The following IL1RL2 variants were observed in gnomAD, a reference collection of about 807,000 sequenced individuals.
IL1RL2 encodes interleukin-1 receptor-like 2.
In IL1RL2, 68 loss-of-function variants were observed where a neutral mutation model predicts 66.8. That is an observed-to-expected ratio of 1.02 (90% confidence interval 0.84 to 1.25). IL1RL2 has a LOEUF of 1.25. Ranked by LOEUF, IL1RL2 falls within the 50% of genes most tolerant of loss-of-function variation. The probability of loss-of-function intolerance (pLI) is 0.00; values close to 1 mark genes in which losing one functional copy is unlikely to be tolerated. For missense variants in IL1RL2, 729 were observed against 709.3 expected (o/e 1.03, Z -0.32); for synonymous variants, 305 against 264.6 (o/e 1.15, Z -1.48).
At chr2:102,217,590 A>C (rs1689721951) in intron 6 of IL1RL2, among the ~76,000 whole-genome samples, 1 of 152,180 alleles carries the variant, frequency 6.6e-6, no homozygotes, top group African/African-American at 2.4e-5. Context: ...AGGCACATAG[A>C]TCAATGGAGC....
intron 5 of IL1RL2, 127 bp downstream of exon 5, chr2:102,201,842 G>A (rs1688288194): frequency 1.2e-6 from 1 of 810,814 alleles, no homozygotes; most frequent in Non-Finnish European, 1.9e-6. Flanking sequence ...AGGCTAGTAG[G>A]CTCTCAGACC....
intron 9 of IL1RL2, among the ~76,000 whole-genome samples, chr2:102,232,473 G>A (rs1404992137): frequency 1.3e-5 from 2 of 152,208 alleles, no homozygotes; most frequent in Non-Finnish European, 2.9e-5. Flanking sequence ...TCAGGCCTGA[G>A]CTATCATGCC....
chr2:102,187,271 T>C lies in IL1RL2; in HGVS notation c.-13+185T>C, dbSNP rs1578071473. On this transcript the variant is annotated intron_variant, in intron 1 of 11. Transcript: ENST00000264257. ...CCGACTCCGTCTCTGGGTCGAGGAGTGGAGCTCGCGGCTATTTTCAGCTCC... is the reference window on the plus strand; with the variant it reads ...CCGACTCCGTCTCTGGGTCGAGGAGCGGAGCTCGCGGCTATTTTCAGCTCC... 8 of 1,178,140 alleles carry C rather than the reference T, an allele frequency of 6.8e-6. No homozygotes were observed. In the East Asian group the frequency reaches 4.8e-4, roughly 70 times the overall value. 73.0% of individuals were successfully genotyped at this position (1,178,140 alleles called of 1,614,324 possible). A position where few individuals can be genotyped will look rare whatever the true frequency, so the allele number is the denominator to read the frequency against.
At chr2:102,227,071 T>A (rs1195069120) in intron 9 of IL1RL2, among the ~76,000 whole-genome samples, 1 of 152,060 alleles carries the variant, frequency 6.6e-6, no homozygotes, top group Non-Finnish European at 1.5e-5. Flanking sequence ...TGCTTGTGAC[T>A]ATGCTACTTT....
At chr2:102,222,842 C>A (rs552616880) in intron 8 of IL1RL2, among the ~76,000 whole-genome samples, 2 of 152,180 alleles carry the variant, frequency 1.3e-5, no homozygotes, top group Non-Finnish European at 2.9e-5. Flanking sequence ...TTGTAAGAAG[C>A]CTTGGAGAGT....
chr2:102,208,955 C>T (rs1022400921), intron 5 of IL1RL2, among the ~76,000 whole-genome samples: 2 of 152,222 alleles, frequency 1.3e-5, no homozygotes, highest in Non-Finnish European at 2.9e-5. Context: ...ATCTTGTTCA[C>T]AGTTGAATCC....
intron 9 of IL1RL2, among the ~76,000 whole-genome samples, chr2:102,227,399 AT>A (rs1437985680): frequency 6.6e-6 from 1 of 152,230 alleles, no homozygotes; most frequent in Non-Finnish European, 1.5e-5. Context: ...AAACGTGGCT[AT>A]TCACTAACTT....
At chr2:102,200,703 G>C (rs1193986555) in intron 4 of IL1RL2, among the ~76,000 whole-genome samples, 1 of 152,154 alleles carries the variant, frequency 6.6e-6, no homozygotes, top group Non-Finnish European at 1.5e-5. Flanking sequence ...GGTGGCCCAA[G>C]GGATGGAAGA....
chr2:102,191,150 T>C (rs1384239137), intron 3 of IL1RL2, among the ~76,000 whole-genome samples: 19 of 152,174 alleles, frequency 1.2e-4, no homozygotes, highest in Non-Finnish European at 2.1e-4. Context: ...TCCTAAACCA[T>C]TTTTTAAACC....
At chr2:102,226,448 C>G (rs1438184120) in intron 9 of IL1RL2, among the ~76,000 whole-genome samples, 1 of 152,178 alleles carries the variant, frequency 6.6e-6, no homozygotes, top group Non-Finnish European at 1.5e-5. Context: ...GATGAGCTGC[C>G]TGCGGTTGGA....
At chr2:102,240,781 A>G (rs138770562), downstream of IL1RL2, among the ~76,000 whole-genome samples, 4 of 152,348 alleles carry the variant, frequency 2.6e-5, no homozygotes, top group East Asian at 7.7e-4. Context: ...TTCCTGGTCA[A>G]TCAGCTTTGT....
Position 102,235,233 on chromosome 2 carries a change from C to A in IL1RL2, c.1634C>A (p.Pro545His). Residue 545 changes from proline to histidine, a missense_variant, in exon 11 of 12, where the codon CCT (proline) becomes CAT (histidine). Coordinates refer to ENST00000264257, the MANE Select transcript of IL1RL2 (RefSeq NM_003854.4). The stretch of plus-strand genomic sequence containing the variant: ...CCGCCCAGAAGGTGTCGGCCGTTTC[C>A]TCCGGTCCAGCTGCTGCAGCACACA... ...HMPPRRCRPF[P>H]PVQLLQHTPC... The A allele has an allele frequency of 6.2e-7, 1 of 1,614,098 alleles. No individual in the cohort carries two copies. Among genetic ancestry groups the A allele is most frequent in the South Asian group, 1.1e-5 (1 of 91,078 alleles).
rs1036356043 is a variant in IL1RL2, at chr2:102,239,336, G to A, written c.*95G>A. ...TATTTTCTGCTGCAGGATGAGGCTA[G>A]GGTTAGCATTCTAGACACCCAGTTG... On this transcript the variant is annotated 3_prime_UTR_variant, in exon 12 of 12. Transcript: ENST00000264257. The A allele has an allele frequency of 2.5e-5, 30 of 1,219,076 alleles. No homozygotes were observed. Among genetic ancestry groups the A allele is most frequent in the Non-Finnish European group, 8.5e-6 (7 of 824,200 alleles). 75.5% of individuals were successfully genotyped at this position (1,219,076 alleles called of 1,614,324 possible).
At chr2:102,215,040 C>A (rs955286777) in intron 6 of IL1RL2, among the ~76,000 whole-genome samples, 25 of 144,614 alleles carry the variant, frequency 1.7e-4, no homozygotes, top group African/African-American at 7.0e-4. Flanking sequence ...TGACTTGGAG[C>A]CAAGAGAAAC....
intron 9 of IL1RL2, among the ~76,000 whole-genome samples, chr2:102,232,049 G>A (rs1158019931): frequency 6.6e-6 from 1 of 151,252 alleles, no homozygotes; most frequent in Non-Finnish European, 1.5e-5. Flanking sequence ...TAGAGATGTG[G>A]TCTTATTCTG....
chr2:102,208,294 T>C (rs1038159359), intron 5 of IL1RL2, among the ~76,000 whole-genome samples: 6 of 152,246 alleles, frequency 3.9e-5, no homozygotes, highest in African/African-American at 1.2e-4. Context: ...TCTTCTATTC[T>C]GCCATCTTGT....
intron 6 of IL1RL2, among the ~76,000 whole-genome samples, chr2:102,213,777 A>G (rs1282203263): frequency 1.3e-5 from 2 of 152,190 alleles, no homozygotes; most frequent in African/African-American, 4.8e-5. Flanking sequence ...CTAAACAACA[A>G]GAATAGAAGT....
rs145899905 is a variant in IL1RL2, at chr2:102,201,648, G to A, written c.582G>A (p.Ala194=). ...NVSAEDRGNY[A]CQAILTHSGK... ...CGGCAGAGGACAGAGGGAACTACGC[G>A]TGTCAAGCCATACTGACACACTCAG... Residue 194 remains alanine, a synonymous_variant, in exon 5 of 12, where the codon GCG becomes GCA. Coordinates refer to ENST00000264257, the MANE Select transcript of IL1RL2 (RefSeq NM_003854.4). The A allele has an allele frequency of 1.7e-4, 270 of 1,614,072 alleles. No homozygotes were observed. The highest frequency in any genetic ancestry group is 3.6e-4 in the African/African-American group (27 of 75,028).
chr2:102,231,444 G>A (rs1691118596), intron 9 of IL1RL2, among the ~76,000 whole-genome samples: 1 of 152,138 alleles, frequency 6.6e-6, no homozygotes, highest in Non-Finnish European at 1.5e-5. Flanking sequence ...GTTGCAGTGA[G>A]CCAAGATGGC....
Sources: allele counts gnomAD v4.1 joint callset (sites outside exome capture counted in the v4.1 genomes callset), GRCh38; gene constraint gnomAD v4.1.1; transcripts MANE v1.5; gene names NCBI Gene and HGNC (gene_info 2026-07-23, HGNC 2026-07-21).